Variants in PAPOLG observed in about 807,000 individuals in gnomAD.
PAPOLG encodes the protein PAP-gamma.
PAPOLG carries 40 observed loss-of-function variants against 99.0 expected under a neutral mutation model. The observed-to-expected ratio is 0.40, with a 90% CI of 0.31 to 0.53. The LOEUF (loss-of-function observed/expected upper bound fraction) is 0.53. Among genes scored for constraint, PAPOLG ranks in the 20% least tolerant of loss-of-function variants. PAPOLG has a pLI of 0.41. For missense variants in PAPOLG, 675 were observed against 884.1 expected (o/e 0.76, Z 3.00); for synonymous variants, 310 against 299.3 (o/e 1.04, Z -0.37).
intron 15 of PAPOLG, among the ~76,000 whole-genome samples, chr2:60,790,370 A>T (rs895864618): frequency 2.0e-5 from 3 of 152,226 alleles, no homozygotes; most frequent in Non-Finnish European, 4.4e-5. Flanking sequence ...TAAATAATTT[A>T]CTACATCTCA....
At position 60,756,511 on chromosome 2, in the gene PAPOLG, C is replaced by A. The variant is rs557434949; in HGVS notation, c.17+16C>A. 6.8e-5 allele frequency: 78 copies of A among 1,150,416 alleles called. 1 individual carries two copies. The South Asian group carries it at 9.9e-4, about 15-fold the overall frequency. 71.3% of individuals were successfully genotyped at this position (1,150,416 alleles called of 1,614,324 possible). On this transcript the variant is annotated intron_variant, in intron 1 of 21. Coordinates refer to ENST00000238714, the MANE Select transcript of PAPOLG (RefSeq NM_022894.4). ...AGATGTCTGCGTAAGTGGTGGGGGG[C>A]GGCGGTTGGGGTGAGGCGGGTAGGG... is the stretch of plus-strand genomic sequence containing the variant.
chr2:60,768,737 TAACAC>T, intron 4 of PAPOLG, 39 bp from the exon 5 acceptor site: 1 of 1,462,892 alleles, frequency 6.8e-7, no homozygotes, highest in Non-Finnish European at 9.2e-7. Context: ...ACAAAGAATA[TAACAC>T]ATAATATATT....
chr2:60,774,423 T>C (rs922718707), intron 7 of PAPOLG, among the ~76,000 whole-genome samples: 14 of 151,328 alleles, frequency 9.3e-5, no homozygotes, highest in Admixed American at 2.0e-4. Flanking sequence ...TGGAGTGCAG[T>C]GGCGTGATCT....
At chr2:60,793,245 TACA>T (rs1350454207) in intron 17 of PAPOLG, among the ~76,000 whole-genome samples, 3 of 146,814 alleles carry the variant, frequency 2.0e-5, no homozygotes, top group Admixed American at 6.8e-5. Flanking sequence ...TGGTAAATGT[TACA>T]ACAAGAGTGT....
chr2:60,793,597 T>G (rs996493031), intron 17 of PAPOLG, 30 bp from the exon 18 acceptor site: 38 of 1,608,322 alleles, frequency 2.4e-5, no homozygotes, highest in Non-Finnish European at 3.1e-5. Context: ...TTTAAATCAT[T>G]TATTGATGAT....
chr2:60,773,812 A>T (rs1670929746), intron 7 of PAPOLG, among the ~76,000 whole-genome samples: 1 of 152,158 alleles, frequency 6.6e-6, no homozygotes, highest in Non-Finnish European at 1.5e-5. Flanking sequence ...TTTAACTTGA[A>T]AGCTTAAATT....
At chr2:60,762,706 A>C (rs1573218251) in intron 3 of PAPOLG, among the ~76,000 whole-genome samples, 1 of 151,960 alleles carries the variant, frequency 6.6e-6, no homozygotes, top group East Asian at 1.9e-4. Context: ...GGCTCAGTGC[A>C]ACCTCCTCCT....
intron 3 of PAPOLG, among the ~76,000 whole-genome samples, chr2:60,767,534 A>C (rs1360242421): frequency 6.6e-6 from 1 of 152,002 alleles, no homozygotes; most frequent in Non-Finnish European, 1.5e-5. Flanking sequence ...AACTGGACAC[A>C]AGTGGACCTC....
chr2:60,784,879 G>A (rs776386162), intron 13 of PAPOLG, among the ~76,000 whole-genome samples: 3 of 152,090 alleles, frequency 2.0e-5, no homozygotes, highest in South Asian at 2.1e-4. Flanking sequence ...TTGCCAACCC[G>A]TCATTTAGAT....
chr2:60,766,732 A>G (rs1446306500), intron 3 of PAPOLG, among the ~76,000 whole-genome samples: 4 of 150,930 alleles, frequency 2.7e-5, no homozygotes, highest in East Asian at 1.9e-4. Flanking sequence ...AGAATGGGCA[A>G]GCACTTGAGG....
intron 4 of PAPOLG, 90 bp downstream of exon 4, chr2:60,768,641 T>G: frequency 7.4e-7 from 1 of 1,354,208 alleles, no homozygotes; most frequent in Non-Finnish European, 1.0e-6. Flanking sequence ...TTCCCACTAT[T>G]TCACTACTTA....
In PAPOLG at chr2:60,761,737, A is replaced by G. The variant is rs771953279; in HGVS notation, c.180-4A>G. ...GTTTTAATCTGAAGCATTTTTTTTTATAGGCTGGTGGTTCTTGGTAAATTG... is the reference window on the plus strand; with the variant it reads ...GTTTTAATCTGAAGCATTTTTTTTTGTAGGCTGGTGGTTCTTGGTAAATTG... On this transcript the variant is annotated splice_polypyrimidine_tract_variant and splice_region_variant and intron_variant, in intron 2 of 21. Transcript: ENST00000238714. 6.3e-7 allele frequency: 1 copy of G among 1,590,780 alleles called. No individual in the cohort carries two copies. Among genetic ancestry groups the G allele is most frequent in the Non-Finnish European group, 8.6e-7 (1 of 1,166,212 alleles).
At chr2:60,790,709 T>G (rs1054315881) in intron 15 of PAPOLG, among the ~76,000 whole-genome samples, 4 of 152,174 alleles carry the variant, frequency 2.6e-5, no homozygotes, top group African/African-American at 9.6e-5. Context: ...AGTCTGTCAT[T>G]CTATGATTGG....
rs370878409 is a variant in PAPOLG at position 60,780,160 on chromosome 2, A to C, written c.833+385A>C. Reference sequence around the variant, plus strand: ...ATTAAATCCATGAAAGCAAATGAGAAGGAAGTGAAAGATTCAGGTGTAAAT... The same window carrying C: ...ATTAAATCCATGAAAGCAAATGAGACGGAAGTGAAAGATTCAGGTGTAAAT... On this transcript the variant is annotated intron_variant, in intron 9 of 21. Transcript: ENST00000238714. 1.2e-4 allele frequency among the ~76,000 whole-genome samples: 19 copies of C among 152,356 alleles called. 1 individual carries two copies. The South Asian group carries it at 3.7e-3, about 30-fold the overall frequency.
chr2:60,799,879 CG>C lies in PAPOLG; in HGVS notation c.*2720del, dbSNP rs368164792. ...ACCTCAGGTGATCCACCTGCCTCGGCGTCCCAAAGTGCTGGGATTACAGGCG... is the reference window on the plus strand; with the variant it reads ...ACCTCAGGTGATCCACCTGCCTCGGCTCCCAAAGTGCTGGGATTACAGGCG... On this transcript the variant is annotated 3_prime_UTR_variant, in exon 22 of 22. Coordinates refer to ENST00000238714, the MANE Select transcript of PAPOLG (RefSeq NM_022894.4). 2.6e-5 allele frequency: 4 copies of C among 152,330 alleles called. No homozygotes were observed. The highest frequency in any genetic ancestry group is 9.6e-5 in the African/African-American group (4 of 41,560). The allele number at this position is 152,330 out of a possible 1,614,324, so 9.4% of individuals were successfully genotyped here.
intron 12 of PAPOLG, 33 bp downstream of exon 12, chr2:60,782,803 ATTTTTT>A: frequency 8.2e-7 from 1 of 1,222,526 alleles, no homozygotes; most frequent in Non-Finnish European, 1.1e-6. Flanking sequence ...TATGTATGTG[ATTTTTT>A]TTTTTTTAAA....
intron 7 of PAPOLG, 87 bp from the exon 8 acceptor site, chr2:60,774,947 G>A: frequency 6.4e-7 from 1 of 1,556,908 alleles, no homozygotes. Flanking sequence ...CATATTTTTA[G>A]CATTCGAGAG....
In PAPOLG at chr2:60,791,895, T is replaced by A. The variant is rs774554867; in HGVS notation, c.1518+13T>A. ...AAAGAAGAAAAAGGTGAGTTTATAA[T>A]CTTAACCCTTCAGTATGGTTTTACT... On this transcript the variant is annotated intron_variant, in intron 16 of 21. Transcript: ENST00000238714. 6.2e-6 allele frequency: 10 copies of A among 1,609,626 alleles called. No homozygotes were observed. Among genetic ancestry groups the A allele is most frequent in the Non-Finnish European group, 6.8e-6 (8 of 1,178,784 alleles).
At position 60,801,859 on chromosome 2, in the gene PAPOLG, G is replaced by C; in HGVS notation, c.*4699G>C. 6.7e-6 allele frequency: 1 copy of C among 148,304 alleles called. No individual in the cohort carries two copies. Among genetic ancestry groups the C allele is most frequent in the East Asian group, 1.9e-4 (1 of 5,332 alleles). The allele number at this position is 148,304 out of a possible 1,614,324, so 9.2% of individuals were successfully genotyped here. ...TTGCTACATTTGAACAAAGACCCAC[G>C]TACTTATCTTAGAAAGTACTTAGGA... On this transcript the variant is annotated 3_prime_UTR_variant, in exon 22 of 22. Coordinates refer to ENST00000238714, the MANE Select transcript of PAPOLG (RefSeq NM_022894.4).
Sources: allele counts gnomAD v4.1 joint callset (sites outside exome capture counted in the v4.1 genomes callset), GRCh38; gene constraint gnomAD v4.1.1; transcripts MANE v1.5; gene names NCBI Gene and HGNC (gene_info 2026-07-23, HGNC 2026-07-21).